Variants in OTC observed in about 807,000 individuals in gnomAD.
OTC encodes ornithine transcarbamylase, mitochondrial.
A neutral mutation model predicts 30.3 loss-of-function variants in OTC; 3 were observed. The observed-to-expected ratio is 0.10, with a 90% CI of 0.05 to 0.26. OTC has a LOEUF of 0.26. Among genes scored for constraint, OTC ranks in the 10% least tolerant of loss-of-function variants. The pLI is 1.00. For missense variants in OTC, 194 were observed against 260.3 expected (o/e 0.75, Z 1.75); for synonymous variants, 111 against 99.7 (o/e 1.11, Z -0.67).
intron 1 of OTC, among the ~76,000 whole-genome samples, chrX:38,356,531 A>G (rs965222238): frequency 9.0e-5 from 10 of 111,543 alleles, no homozygotes; most frequent in Non-Finnish European, 1.7e-4. Context: ...CATCTCACAG[A>G]CTGAATGCCA....
At chrX:38,403,532 TAA>T (rs1275057038) in intron 5 of OTC, 84 bp from the exon 6 acceptor site, 2 of 1,022,174 alleles carry the variant, frequency 2.0e-6, no homozygotes, top group Non-Finnish European at 2.8e-6. Flanking sequence ...ATACTGAGAT[TAA>T]GACTATTTAT....
intron 3 of OTC, among the ~76,000 whole-genome samples, chrX:38,379,065 C>T (rs1405801815): frequency 9.0e-6 from 1 of 111,393 alleles, no homozygotes; most frequent in Non-Finnish European, 1.9e-5. Context: ...AGTCAAACAT[C>T]AGAAATGGGG....
At chrX:38,408,331 T>C (rs2068525439) in intron 6 of OTC, among the ~76,000 whole-genome samples, 1 of 111,435 alleles carries the variant, frequency 9.0e-6, no homozygotes, top group South Asian at 3.8e-4. Context: ...CCTGAAAAAG[T>C]TATCCACATG....
At chrX:38,385,691 A>T (rs1325620041) in intron 4 of OTC, among the ~76,000 whole-genome samples, 1 of 112,289 alleles carries the variant, frequency 8.9e-6, no homozygotes, top group Non-Finnish European at 1.9e-5. Context: ...AGCACCTTAC[A>T]GATTGGTCCT....
At chrX:38,418,750 G>A (rs971804256) in intron 9 of OTC, among the ~76,000 whole-genome samples, 6 of 111,834 alleles carry the variant, frequency 5.4e-5, no homozygotes. Context: ...AAGCCCTGTT[G>A]CTTGGTTCTC....
At chrX:38,420,563 G>A (rs779182873) in intron 9 of OTC, among the ~76,000 whole-genome samples, 1 of 111,174 alleles carries the variant, frequency 9.0e-6, no homozygotes, top group East Asian at 2.8e-4. Context: ...GGAATACCCA[G>A]CTTCAGAGAG....
chrX:38,368,575 C>A (rs769303870), intron 2 of OTC, among the ~76,000 whole-genome samples: 18 of 108,256 alleles, frequency 1.7e-4, no homozygotes, highest in Non-Finnish European at 3.1e-4. Flanking sequence ...GCATTTTGAG[C>A]AATTTATCTT....
Position 38,411,984 on chromosome X carries a change from A to G in OTC, c.990A>G (p.Arg330=), listed in dbSNP as rs1353634119. 1.3e-5 allele frequency: 16 copies of G among 1,210,922 alleles called. No homozygotes were observed. The highest frequency in any genetic ancestry group is 1.7e-5 in the Non-Finnish European group (15 of 894,629). Residue 330 remains arginine (R), a synonymous_variant, in exon 9 of 10, where the codon AGA becomes AGG. Coordinates refer to ENST00000039007, the MANE Select transcript of OTC (RefSeq NM_000531.6). ...TAGTGTTCCCAGAGGCAGAAAACAG[A>G]AAGTGGACAATCATGGTAAGCAAGA... ...RSLVFPEAEN[R]KWTIMAVMVS...
intron 4 of OTC, among the ~76,000 whole-genome samples, chrX:38,387,341 A>T (rs992303482): frequency 8.9e-6 from 1 of 112,135 alleles, no homozygotes; most frequent in Non-Finnish European, 1.9e-5. Context: ...TTACATTTAG[A>T]GTTAGTAAGA....
chrX:38,377,815 CA>C (rs1454023673), intron 3 of OTC, among the ~76,000 whole-genome samples: 1 of 111,737 alleles, frequency 8.9e-6, no homozygotes, highest in Non-Finnish European at 1.9e-5. Context: ...GCACCGTCCA[CA>C]CTACCTTCTT....
chrX:38,352,158 C>A (rs759260035), upstream of OTC, among the ~76,000 whole-genome samples: 1 of 88,849 alleles, frequency 1.1e-5, no homozygotes, highest in East Asian at 3.7e-4. Flanking sequence ...CTTGCACCCC[C>A]AAAATAGCTT....
At chrX:38,349,538 C>T (rs980496028), upstream of OTC, among the ~76,000 whole-genome samples, 1 of 112,530 alleles carries the variant, frequency 8.9e-6, no homozygotes, top group Non-Finnish European at 1.9e-5. Context: ...TCACTCTCAC[C>T]CTCTCTTGCC....
chrX:38,352,480 C>T, upstream of OTC: 3 of 394,451 alleles, frequency 7.6e-6, no homozygotes, highest in Non-Finnish European at 1.3e-5. Flanking sequence ...AAAAAAAATA[C>T]ACAGCGGTGG....
At chrX:38,344,519 G>T in the OTC span, among the ~76,000 whole-genome samples, 7 of 110,915 alleles carry the variant, frequency 6.3e-5, no homozygotes, top group East Asian at 1.1e-3. Flanking sequence ...TAAGAAAAGA[G>T]AAATTGGGCA....
At chrX:38,377,981 C>A (rs1039027683) in intron 3 of OTC, among the ~76,000 whole-genome samples, 1 of 109,265 alleles carries the variant, frequency 9.2e-6, no homozygotes, top group African/African-American at 3.3e-5. Flanking sequence ...GGATTACAGG[C>A]GCCCGCCACC....
chrX:38,329,559 G>C, the OTC span, among the ~76,000 whole-genome samples: 2 of 111,727 alleles, frequency 1.8e-5, no homozygotes, highest in African/African-American at 6.5e-5. Context: ...AGAACCAGAG[G>C]CTACTCCCTT....
Position 38,381,302 on chromosome X carries a change from G to GT in OTC, c.299-34dup, listed in dbSNP as rs398122026. On this transcript the variant is annotated intron_variant, in intron 3 of 9. Coordinates refer to ENST00000039007, the MANE Select transcript of OTC (RefSeq NM_000531.6). ...TGTAATTTTGTTTTCCACTTTAGTT[G>GT]TTTTTTCAAAATGATTTTTTTCTTT... 192,483 of 1,018,891 alleles carry GT rather than the reference G, an allele frequency of 0.19. 15,427 individuals carry two copies. The highest frequency in any genetic ancestry group is 0.25 in the Middle Eastern group (991 of 3,904). The allele number at this position is 1,018,891 out of a possible 1,213,427, so 84.0% of individuals were successfully genotyped here.
Position 38,352,734 on chromosome X carries a change from C to G in OTC, c.38C>G (p.Ala13Gly). 8.3e-7 allele frequency: 1 copy of G among 1,208,582 alleles called. No individual in the cohort carries two copies. The highest frequency in any genetic ancestry group is 1.1e-6 in the Non-Finnish European group (1 of 892,546). The change falls in exon 1 of 10, where the codon GCT becomes GGT. Residue 13 changes from alanine to glycine, a missense_variant. Physicochemically the swap from Ala to Gly is moderately conservative, Grantham distance 60. Transcript: ENST00000039007. ...FNLRILLNNA[A>G]FRNGHNFMVR... is the part of the protein sequence containing the mutation. ...CTGAGGATCCTGTTAAACAATGCAG[C>G]TTTTAGAAATGGTCACAACTTCATG...
intron 8 of OTC, among the ~76,000 whole-genome samples, chrX:38,411,529 G>C (rs1569281234): frequency 1.8e-5 from 2 of 110,445 alleles, no homozygotes; most frequent in Admixed American, 9.7e-5. Flanking sequence ...CACTGGGCAT[G>C]GTGGCACATG....
Sources: allele counts gnomAD v4.1 joint callset (sites outside exome capture counted in the v4.1 genomes callset), GRCh38; gene constraint gnomAD v4.1.1; transcripts MANE v1.5; gene names NCBI Gene and HGNC (gene_info 2026-07-23, HGNC 2026-07-21).